The following NOVA2 variants were observed in gnomAD, a reference collection of about 807,000 sequenced individuals.
The protein encoded by NOVA2 is NOVA alternative splicing regulator 2.
In NOVA2, 9 loss-of-function variants were observed where a neutral mutation model predicts 22.5. That is an observed-to-expected ratio of 0.40 (90% CI 0.24 to 0.70). The LOEUF (loss-of-function observed/expected upper bound fraction) is 0.70. Among genes scored for constraint, NOVA2 ranks in the 30% least tolerant of loss-of-function variants. The probability of loss-of-function intolerance (pLI) is 0.38; values close to 1 mark genes in which losing one functional copy is unlikely to be tolerated. For missense variants in NOVA2, 383 were observed against 682.8 expected, an observed-to-expected ratio of 0.56 and a Z score of 4.89; for synonymous variants, 318 against 335.2, an observed-to-expected ratio of 0.95 and a Z score of 0.56.
intron 3 of NOVA2, among the ~76,000 whole-genome samples, chr19:45,943,648 G>C (rs1210828262): frequency 1.3e-5 from 2 of 151,284 alleles, no homozygotes; most frequent in Non-Finnish European, 2.9e-5. Flanking sequence ...AGCCTGGGAG[G>C]TATAGGCTAC....
intron 3 of NOVA2, among the ~76,000 whole-genome samples, chr19:45,952,523 G>C (rs922898348): frequency 6.6e-6 from 1 of 152,222 alleles, no homozygotes; most frequent in Non-Finnish European, 1.5e-5. Context: ...CTGTGGATTA[G>C]GGGGAGGGGG....
In NOVA2 at chr19:45,948,121, C is replaced by T. The variant is rs374594100; in HGVS notation, c.396+5659G>A. On this transcript the variant is annotated intron_variant, in intron 3 of 3. Coordinates refer to ENST00000263257, the MANE Select transcript of NOVA2 (RefSeq NM_002516.4). ...GCTGGAACTGAGAGTGAGTGCCCTTCAGGTGACTCACAACTGCTACCATTG... is the reference window on the plus strand; with the variant it reads ...GCTGGAACTGAGAGTGAGTGCCCTTTAGGTGACTCACAACTGCTACCATTG... Among the ~76,000 whole-genome samples the T allele has an allele frequency of 2.7e-4, 41 of 152,252 alleles. 1 individual carries two copies. The South Asian group carries it at 7.9e-3, about 29-fold the overall frequency.
rs148285513 is a variant in NOVA2 at position 45,946,803 on chromosome 19, C to T, written c.397-5858G>A. On this transcript the variant is annotated intron_variant, in intron 3 of 3. Transcript: ENST00000263257. ...AGGAGAATTGCTTGAACCTGGGAGG[C>T]GGAGGTTGCAGCGAGCCGAGATCAT... 1.0e-4 allele frequency among the ~76,000 whole-genome samples: 15 copies of T among 149,080 alleles called. No individual in the cohort carries two copies. In the East Asian group the frequency reaches 2.8e-3, roughly 28 times the overall value.
At chr19:45,950,164 CTTTTT>C (rs61551112) in intron 3 of NOVA2, among the ~76,000 whole-genome samples, 1 of 132,686 alleles carries the variant, frequency 7.5e-6, no homozygotes. Context: ...TGGAAACATT[CTTTTT>C]TTTTTTTTTT....
intron 1 of NOVA2, among the ~76,000 whole-genome samples, chr19:45,969,582 G>C (rs531498191): frequency 2.6e-5 from 4 of 151,268 alleles, no homozygotes; most frequent in African/African-American, 9.7e-5. Flanking sequence ...GCTACGTTGA[G>C]GGTGTGAGAT....
intron 2 of NOVA2, among the ~76,000 whole-genome samples, chr19:45,955,146 A>G (rs959363826): frequency 3.3e-5 from 5 of 152,288 alleles, no homozygotes; most frequent in African/African-American, 1.2e-4. Flanking sequence ...TAGAGGCTAC[A>G]CAATGAATAT....
chr19:45,947,470 G>GTTTT (rs5828256), intron 3 of NOVA2, among the ~76,000 whole-genome samples: 2 of 147,290 alleles, frequency 1.4e-5, no homozygotes, highest in Non-Finnish European at 1.5e-5. Flanking sequence ...AAGCACCCTA[G>GTTTT]TTTTTTTTTT....
chr19:45,947,357 C>T (rs1967856561), intron 3 of NOVA2, among the ~76,000 whole-genome samples: 1 of 152,008 alleles, frequency 6.6e-6, no homozygotes, highest in Admixed American at 6.6e-5. Flanking sequence ...TGTATCTTAC[C>T]TGGTGGGGGT....
intron 1 of NOVA2, among the ~76,000 whole-genome samples, chr19:45,972,633 C>A (rs1600624203): frequency 6.6e-6 from 1 of 152,196 alleles, no homozygotes; most frequent in Non-Finnish European, 1.5e-5. Flanking sequence ...TATTCCTGAT[C>A]CCTAATGTCA....
rs138382870 is a variant in NOVA2, at chr19:45,972,547, G to A, written c.85+720C>T. Among the ~76,000 whole-genome samples the A allele has an allele frequency of 1.5e-3, 228 of 152,084 alleles. 1 individual carries two copies. The highest frequency in any genetic ancestry group is 5.4e-3 in the South Asian group (26 of 4,818). On this transcript the variant is annotated intron_variant, in intron 1 of 3. Coordinates refer to ENST00000263257, the MANE Select transcript of NOVA2 (RefSeq NM_002516.4). ...AAGCACACACCTTTCCTTGTCACACGTACCCGCTGGAGGGTCTCAAACATG... is the reference window on the plus strand; with the variant it reads ...AAGCACACACCTTTCCTTGTCACACATACCCGCTGGAGGGTCTCAAACATG...
Position 45,973,418 on chromosome 19 carries a change from T to G in NOVA2, c.-67A>C. ...GCGGCGGCGGCGGCGGCGGCTGCTG[T>G]GGCGGCGGCGACGGCTGCTGGGGAG... On this transcript the variant is annotated 5_prime_UTR_variant, in exon 1 of 4. Coordinates refer to ENST00000263257, the MANE Select transcript of NOVA2 (RefSeq NM_002516.4). 1 of 282,734 alleles carries G rather than the reference T, an allele frequency of 3.5e-6. No homozygotes were observed. Among genetic ancestry groups the G allele is most frequent in the Non-Finnish European group, 5.3e-6 (1 of 189,374 alleles). 17.5% of individuals were successfully genotyped at this position (282,734 alleles called of 1,614,324 possible).
intron 3 of NOVA2, among the ~76,000 whole-genome samples, chr19:45,947,945 C>T (rs926192560): frequency 1.3e-5 from 2 of 152,140 alleles, no homozygotes; most frequent in African/African-American, 4.8e-5. Context: ...GGCTCCCTGT[C>T]TGATGCTGGG....
chr19:45,956,225 G>T (rs1019441908), intron 2 of NOVA2, among the ~76,000 whole-genome samples: 1 of 152,114 alleles, frequency 6.6e-6, no homozygotes, highest in African/African-American at 2.4e-5. Flanking sequence ...AATAGGAAAG[G>T]GTGTGGGTTG....
At chr19:45,958,426 A>G (rs558317606) in intron 2 of NOVA2, among the ~76,000 whole-genome samples, 16 of 145,660 alleles carry the variant, frequency 1.1e-4, no homozygotes, top group Admixed American at 1.0e-3. Flanking sequence ...GTGAGTGTGA[A>G]TGAGTGTGAG....
chr19:45,957,881 G>A (rs1600611883), intron 2 of NOVA2, among the ~76,000 whole-genome samples: 1 of 151,872 alleles, frequency 6.6e-6, no homozygotes, highest in Admixed American at 6.6e-5. Flanking sequence ...GGTGGATCGC[G>A]AGGTCAGGAG....
intron 2 of NOVA2, among the ~76,000 whole-genome samples, chr19:45,960,500 CAG>C (rs1363640108): frequency 6.6e-6 from 1 of 151,212 alleles, no homozygotes; most frequent in Non-Finnish European, 1.5e-5. Context: ...GGGCAAGAGA[CAG>C]AGGGAGGCAG....
chr19:45,954,235 G>C (rs1459185918), intron 2 of NOVA2, among the ~76,000 whole-genome samples: 1 of 152,200 alleles, frequency 6.6e-6, no homozygotes, highest in Admixed American at 6.5e-5. Context: ...GCAGCCCTGG[G>C]CAGGGGAGAC....
chr19:45,951,734 C>T (rs1967929434), intron 3 of NOVA2, among the ~76,000 whole-genome samples: 1 of 152,044 alleles, frequency 6.6e-6, no homozygotes, highest in Non-Finnish European at 1.5e-5. Flanking sequence ...GATGTCGAGG[C>T]TCCAGTGAGC....
At position 45,939,850 on chromosome 19, in the gene NOVA2, C is replaced by T. The variant is rs768129569; in HGVS notation, c.*13G>A. 1.9e-6 allele frequency: 3 copies of T among 1,613,664 alleles called. No homozygotes were observed. The highest frequency in any genetic ancestry group is 2.5e-6 in the Non-Finnish European group (3 of 1,179,816). ...GGGAGGAGAGAAAAGGGTGGGAGCA[C>T]ACACCACAGGCCTCATCCCACTTTC... On this transcript the variant is annotated 3_prime_UTR_variant, in exon 4 of 4. Transcript: ENST00000263257.
Sources: allele counts gnomAD v4.1 joint callset (sites outside exome capture counted in the v4.1 genomes callset), GRCh38; gene constraint gnomAD v4.1.1; transcripts MANE v1.5; gene names NCBI Gene and HGNC (gene_info 2026-07-23, HGNC 2026-07-21).